The following MYH2 variants were observed in gnomAD, a reference collection of about 807,000 sequenced individuals.
MYH2 encodes the protein myosin-2.
MYH2 carries 139 observed loss-of-function variants against 228.1 expected under a neutral mutation model. That is an observed-to-expected ratio of 0.61 (90% CI 0.53 to 0.70). The LOEUF is 0.70. Among genes scored for constraint, MYH2 ranks in the 30% least tolerant of loss-of-function variants. MYH2 has a pLI of 0.00. For missense variants in MYH2, 1,809 were observed against 2,357.5 expected, an observed-to-expected ratio of 0.77 and a Z score of 4.82; for synonymous variants, 796 against 871.1, an observed-to-expected ratio of 0.91 and a Z score of 1.52.
At position 10,547,786 on chromosome 17, in the gene MYH2, T is replaced by C. The variant is rs2073654565; in HGVS notation, c.135A>G (p.Glu45=). Residue 45 remains glutamate, a synonymous_variant, in exon 3 of 40, where the codon GAA becomes GAG. Coordinates refer to ENST00000245503, the MANE Select transcript of MYH2 (RefSeq NM_017534.6). ...KTSVFVAEPK[E]SFVKGTIQSR... ...TCTGGATGGTCCCTTTGACAAAGGA[T>C]TCTTTGGGCTCCGCCACAAAGACAG... 4 of 1,614,254 alleles carry C rather than the reference T, an allele frequency of 2.5e-6. No homozygotes were observed. The highest frequency in any genetic ancestry group is 3.4e-6 in the Non-Finnish European group (4 of 1,180,042).
In MYH2 at chr17:10,523,340, GT is replaced by G. The variant is rs1567726633; in HGVS notation, c.5544del (p.Lys1848AsnfsTer6). The G allele has an allele frequency of 6.2e-7, 1 of 1,614,184 alleles. No homozygotes were observed. The highest frequency in any genetic ancestry group is 8.5e-7 in the Non-Finnish European group (1 of 1,180,028). ...GTGAGTTCCTTCACTCGCCTCTCAT[GT>G]TTGCGCAGACCTTTGACAGCCTCAG... ...RNAEAVKGLR[K>X]HERRVKELTY... On this transcript the variant is annotated frameshift_variant, in exon 38 of 40. Transcript: ENST00000245503. LOFTEE classifies it high-confidence loss of function.
chr17:10,546,427 C>T (rs2073634239), intron 4 of MYH2, among the ~76,000 whole-genome samples: 1 of 151,446 alleles, frequency 6.6e-6, no homozygotes, highest in African/African-American at 2.4e-5. Flanking sequence ...ACAGCACTGG[C>T]TAAACTATGC....
At chr17:10,548,872 T>C (rs1478605312) in intron 2 of MYH2, among the ~76,000 whole-genome samples, 2 of 152,186 alleles carry the variant, frequency 1.3e-5, no homozygotes, top group African/African-American at 4.8e-5. Context: ...TTCTAGTCTC[T>C]CCCTTTAGAA....
intron 30 of MYH2, 75 bp downstream of exon 30, chr17:10,526,524 G>C: frequency 1.9e-6 from 3 of 1,599,276 alleles, no homozygotes; most frequent in Non-Finnish European, 2.6e-6. Flanking sequence ...CTAATTCACT[G>C]AATCTTCAAA....
chr17:10,535,428 T>C, intron 17 of MYH2, 63 bp from the exon 18 acceptor site: 1 of 1,387,932 alleles, frequency 7.2e-7, no homozygotes, highest in Non-Finnish European at 1.0e-6. Flanking sequence ...CAGTCATTGG[T>C]GTCTATAAAA....
At position 10,523,899 on chromosome 17, in the gene MYH2, T is replaced by C. The variant is rs754417902; in HGVS notation, c.5176-15A>G. ...AGGCTGGTGTTCTGTTTAAAAAGAA[T>C]TTGTACATTTAAAAAATTGTGTTAC... On this transcript the variant is annotated splice_polypyrimidine_tract_variant and intron_variant, in intron 35 of 39. Coordinates refer to ENST00000245503, the MANE Select transcript of MYH2 (RefSeq NM_017534.6). 1.9e-6 allele frequency: 3 copies of C among 1,609,424 alleles called. No homozygotes were observed. The Admixed American group carries it at 5.0e-5, about 27-fold the overall frequency.
At position 10,528,956 on chromosome 17, in the gene MYH2, C is replaced by T. The variant is rs781461127; in HGVS notation, c.3478G>A (p.Gly1160Ser). Residue 1160 changes from glycine to serine, a missense_variant, in exon 27 of 40, where the codon GGT becomes AGT. Transcript: ENST00000245503. ...EEISERLEEA[G>S]GATSAQIEMN... The stretch of plus-strand genomic sequence containing the variant: ...TCAATCTGGGCTGAAGTGGCCCCAC[C>T]GGCTTCTTCCAGCCTCTCGCTGATC... 4.2e-5 allele frequency: 68 copies of T among 1,614,054 alleles called. 1 individual carries two copies. Among genetic ancestry groups the T allele is most frequent in the Non-Finnish European group, 5.2e-5 (61 of 1,180,052 alleles).
At chr17:10,542,468 TG>T (rs2073568871) in intron 10 of MYH2, among the ~76,000 whole-genome samples, 1 of 152,194 alleles carries the variant, frequency 6.6e-6, no homozygotes, top group African/African-American at 2.4e-5. Context: ...GAAATAATGA[TG>T]TGGAGCTATA....
chr17:10,528,968 G>GT lies in MYH2; in HGVS notation c.3465_3466insA (p.Leu1156ThrfsTer13). ...GAAGTGGCCCCACCGGCTTCTTCCA[G>GT]CCTCTCGCTGATCTCCTCCAGCTCC... is the stretch of plus-strand genomic sequence containing the variant. On this transcript the variant is annotated frameshift_variant, in exon 27 of 40. Coordinates refer to ENST00000245503, the MANE Select transcript of MYH2 (RefSeq NM_017534.6). LOFTEE classifies it high-confidence loss of function. 1 of 1,614,150 alleles carries GT rather than the reference G, an allele frequency of 6.2e-7. No homozygotes were observed. The highest frequency in any genetic ancestry group is 8.5e-7 in the Non-Finnish European group (1 of 1,180,050).
At position 10,521,353 on chromosome 17, in the gene MYH2, A is replaced by G; in HGVS notation, c.5753T>C (p.Ile1918Thr). 1 of 1,614,122 alleles carries G rather than the reference A, an allele frequency of 6.2e-7. No individual in the cohort carries two copies. Among genetic ancestry groups the G allele is most frequent in the Non-Finnish European group, 8.5e-7 (1 of 1,180,016 alleles). The change falls in exon 40 of 40, where the codon ATT becomes ACT. Residue 1918 changes from isoleucine to threonine, a missense_variant. Coordinates refer to ENST00000245503, the MANE Select transcript of MYH2 (RefSeq NM_017534.6). ...CAGTTTGTTCACCTGGGACTCAGCA[A>G]TGTCAGCCCGTTCCTCGGCCTCCTC... ...ELEEAEERAD[I>T]AESQVNKLRV...
intron 10 of MYH2, among the ~76,000 whole-genome samples, chr17:10,541,696 G>A (rs1229712911): frequency 6.6e-6 from 1 of 151,676 alleles, no homozygotes; most frequent in African/African-American, 2.4e-5. Flanking sequence ...TTTGTGGCTT[G>A]GGGGGCATCA....
chr17:10,526,825 T>C, intron 29 of MYH2, 30 bp from the exon 30 acceptor site: 1 of 1,614,236 alleles, frequency 6.2e-7, no homozygotes, highest in South Asian at 1.1e-5. Flanking sequence ...TTCATTTTAC[T>C]GGATATTTAA....
rs75618934 is a variant in MYH2, at chr17:10,522,143, A to G, written c.5674-711T>C. Among the ~76,000 whole-genome samples, 774 of 152,288 alleles carry G rather than the reference A, an allele frequency of 5.1e-3. 7 individuals carry two copies. Among genetic ancestry groups the G allele is most frequent in the African/African-American group, 0.018 (739 of 41,558 alleles). ...CTTAAAATGAACTGGACAGCTTTCT[A>G]TCTTTTCCCATGCTCTTGAACAGCT... On this transcript the variant is annotated intron_variant, in intron 39 of 39. Transcript: ENST00000245503.
At chr17:10,548,182 C>G (rs548425608) in intron 2 of MYH2, among the ~76,000 whole-genome samples, 29 of 152,274 alleles carry the variant, frequency 1.9e-4, no homozygotes, top group Middle Eastern at 3.4e-3. Flanking sequence ...CTCCAGGACT[C>G]ACATTCTCAT....
In MYH2 at chr17:10,536,623, A is replaced by G; in HGVS notation, c.1898-17T>C. On this transcript the variant is annotated splice_polypyrimidine_tract_variant and intron_variant, in intron 16 of 39. Transcript: ENST00000245503. ...CAGCTCCCTCTGAAGAAAAAGGAAG[A>G]AAAGAAATACTGTTTTGAATTGGCA... is the stretch of plus-strand genomic sequence containing the variant. 6.2e-7 allele frequency: 1 copy of G among 1,608,694 alleles called. No individual in the cohort carries two copies. Among genetic ancestry groups the G allele is most frequent in the Non-Finnish European group, 8.5e-7 (1 of 1,175,664 alleles).
chr17:10,537,071 T>C lies in MYH2; in HGVS notation c.1897+162A>G, dbSNP rs1376642043. 2.0e-5 allele frequency among the ~76,000 whole-genome samples: 3 copies of C among 152,118 alleles called. No individual in the cohort carries two copies. Among genetic ancestry groups the C allele is most frequent in the Non-Finnish European group, 4.4e-5 (3 of 68,022 alleles). On this transcript the variant is annotated intron_variant, in intron 16 of 39. Coordinates refer to ENST00000245503, the MANE Select transcript of MYH2 (RefSeq NM_017534.6). This position sits in a 1 kb window ranked among gnomAD's most constrained non-coding sequence, Gnocchi z 4.0. ...AATAGGGCTCCTGTCAGCAGTGGAG[T>C]GAGCCACAAATGTATAATTACAAGG...
rs1330477688 is a variant in MYH2, at chr17:10,537,528, G to C, written c.1602C>G (p.Phe534Leu). ...IELIEKPMGI[F>L]SILEEECMFP... ...ACATGCACTCCTCTTCCAGGATGGA[G>C]AAGATGCCCATAGGCTAAAAAGCAG... The change falls in exon 16 of 40, where the codon TTC becomes TTG. Residue 534 changes from phenylalanine to leucine, a missense_variant. Transcript: ENST00000245503. This position sits in a 1 kb window ranked among gnomAD's most constrained non-coding sequence, Gnocchi z 4.0. 3 of 1,614,224 alleles carry C rather than the reference G, an allele frequency of 1.9e-6. No homozygotes were observed. Among genetic ancestry groups the C allele is most frequent in the Non-Finnish European group, 2.5e-6 (3 of 1,180,030 alleles).
At position 10,537,656 on chromosome 17, in the gene MYH2, A is replaced by G. The variant is rs1270356070; in HGVS notation, c.1587+9T>C. On this transcript the variant is annotated intron_variant, in intron 15 of 39. Coordinates refer to ENST00000245503, the MANE Select transcript of MYH2 (RefSeq NM_017534.6). This position sits in a 1 kb window ranked among gnomAD's most constrained non-coding sequence, Gnocchi z 4.0. Reference sequence around the variant, plus strand: ...CCGCAAAATATGGTTTCAGAAATGCAAAACCAACCTTCTCGATGAGCTCGA... The same window carrying G: ...CCGCAAAATATGGTTTCAGAAATGCGAAACCAACCTTCTCGATGAGCTCGA... 2 of 1,614,248 alleles carry G rather than the reference A, an allele frequency of 1.2e-6. No individual in the cohort carries two copies. The highest frequency in any genetic ancestry group is 2.2e-5 in the East Asian group (1 of 44,890).
chr17:10,525,863 G>A lies in MYH2; in HGVS notation c.4201C>T (p.Gln1401Ter). The stretch of plus-strand genomic sequence containing the variant: ...TGTTCCTCAGCTGCCTGCAGCCGCT[G>A]GGCCAGCTTCTTCCTTGAATATTAT... ...ELEEAKKKLA[Q>*]RLQAAEEHVE... Residue 1401 changes from glutamine (Q) to a stop codon, truncating the protein, a stop_gained, in exon 31 of 40, where the codon CAG (glutamine) becomes TAG (stop). Transcript: ENST00000245503. LOFTEE classifies it high-confidence loss of function. The surrounding 1 kb of genome is among the most constrained non-coding windows in gnomAD (Gnocchi z 4.2). The A allele has an allele frequency of 6.2e-7, 1 of 1,614,150 alleles. No individual in the cohort carries two copies. The highest frequency in any genetic ancestry group is 2.2e-5 in the East Asian group (1 of 44,888).
Sources: allele counts gnomAD v4.1 joint callset (sites outside exome capture counted in the v4.1 genomes callset), GRCh38; gene constraint gnomAD v4.1.1; non-coding constraint Gnocchi (gnomAD v3.1); transcripts MANE v1.5; gene names NCBI Gene and HGNC (gene_info 2026-07-23, HGNC 2026-07-21).